Variants in NOTCH1 observed in about 807,000 individuals in gnomAD.
The protein encoded by NOTCH1 is neurogenic locus notch homolog protein 1.
Under a neutral mutation model 254.8 loss-of-function variants are expected in NOTCH1, and 37 were observed. The observed-to-expected ratio is 0.15, with a 90% CI of 0.11 to 0.19. The LOEUF (loss-of-function observed/expected upper bound fraction) is 0.19. Among genes scored for constraint, NOTCH1 ranks in the 10% least tolerant of loss-of-function variants. The probability of loss-of-function intolerance (pLI) is 1.00; values close to 1 mark genes in which losing one functional copy is unlikely to be tolerated. For missense variants in NOTCH1, 2,972 were observed against 3,708.6 expected, an observed-to-expected ratio of 0.80 and a Z score of 5.16; for synonymous variants, 1,731 against 1,618.1, an observed-to-expected ratio of 1.07 and a Z score of -1.68.
chr9:136,540,914 G>C lies in NOTCH1; in HGVS notation c.140+3110C>G, dbSNP rs1843724103. Among the ~76,000 whole-genome samples, 1 of 152,158 alleles carries C rather than the reference G, an allele frequency of 6.6e-6. No individual in the cohort carries two copies. ...CAGGCAGCCCTGGGAGAGCGTTTCA[G>C]ACCAAGGACGTAGTCTCACCCAGAC... On this transcript the variant is annotated intron_variant, in intron 2 of 33. Coordinates refer to ENST00000651671, the MANE Select transcript of NOTCH1 (RefSeq NM_017617.5). This position sits in a 1 kb window ranked among gnomAD's most constrained non-coding sequence, Gnocchi z 4.4.
At chr9:136,543,077 A>C (rs2133404862) in intron 2 of NOTCH1, 1 of 153,902 alleles carries the variant, frequency 6.5e-6, no homozygotes, top group Non-Finnish European at 1.5e-5. Flanking sequence ...ACCAGACTCA[A>C]TAATTACCCC....
chr9:136,500,866 G>C lies in NOTCH1; in HGVS notation c.5639-19C>G. ...AAGCCATCTGCAGAGGCAGAGACGG[G>C]TGCTCAGTCTGGAGGGCCGGTCCCC... On this transcript the variant is annotated intron_variant, in intron 30 of 33. Transcript: ENST00000651671. The C allele has an allele frequency of 6.4e-7, 1 of 1,573,906 alleles. No individual in the cohort carries two copies. Among genetic ancestry groups the C allele is most frequent in the Non-Finnish European group, 8.6e-7 (1 of 1,167,638 alleles).
rs368269774 is a variant in NOTCH1 at position 136,498,774 on chromosome 9, G to A, written c.6180+125C>T. ...CATCATGCGGGTGGGGCCCACATGC[G>A]GGCCCAGCGACCCTCGAGACCCTGT... is the stretch of plus-strand genomic sequence containing the variant. On this transcript the variant is annotated intron_variant, in intron 33 of 33. Coordinates refer to ENST00000651671, the MANE Select transcript of NOTCH1 (RefSeq NM_017617.5). 63 of 1,110,810 alleles carry A rather than the reference G, an allele frequency of 5.7e-5. No homozygotes were observed. The East Asian group carries it at 9.0e-4, about 16-fold the overall frequency. 68.8% of individuals were successfully genotyped at this position (1,110,810 alleles called of 1,614,324 possible). A position where few individuals can be genotyped will look rare whatever the true frequency, so the allele number is the denominator to read the frequency against.
At position 136,498,756 on chromosome 9, in the gene NOTCH1, C is replaced by T. The variant is rs552456636; in HGVS notation, c.6180+143G>A. 162 of 907,026 alleles carry T rather than the reference C, an allele frequency of 1.8e-4. 2 individuals are homozygous for T. Among genetic ancestry groups the T allele is most frequent in the African/African-American group, 1.7e-3 (104 of 61,642 alleles). 56.2% of individuals were successfully genotyped at this position (907,026 alleles called of 1,614,324 possible). A position where few individuals can be genotyped will look rare whatever the true frequency, so the allele number is the denominator to read the frequency against. ...GCACTAACGAGGTGCCCGCATCATGCGGGTGGGGCCCACATGCGGGCCCAG... is the reference window on the plus strand; with the variant it reads ...GCACTAACGAGGTGCCCGCATCATGTGGGTGGGGCCCACATGCGGGCCCAG... On this transcript the variant is annotated intron_variant, in intron 33 of 33. Coordinates refer to ENST00000651671, the MANE Select transcript of NOTCH1 (RefSeq NM_017617.5).
At position 136,504,941 on chromosome 9, in the gene NOTCH1, G is replaced by T. The variant is rs2133337045; in HGVS notation, c.4750C>A (p.Gln1584Lys). The T allele has an allele frequency of 6.3e-7, 1 of 1,587,258 alleles. No individual in the cohort carries two copies. Among genetic ancestry groups the T allele is most frequent in the Non-Finnish European group, 8.6e-7 (1 of 1,168,584 alleles). ...LVVVVLMPPE[Q>K]LRNSSFHFLR... ...AAGTGGAAGGAGCTGTTGCGCAGCT[G>T]CTCCGGCGGCATCAGCACCACCACC... is the stretch of plus-strand genomic sequence containing the variant. The change falls in exon 26 of 34, where the codon CAG becomes AAG. Residue 1584 changes from glutamine to lysine, a missense_variant. By Grantham distance (53) the Gln-to-Lys change is moderately conservative. Coordinates refer to ENST00000651671, the MANE Select transcript of NOTCH1 (RefSeq NM_017617.5).
In NOTCH1 at chr9:136,508,456, T is replaced by C. The variant is rs3812603; in HGVS notation, c.3172-71A>G. 927,984 of 1,604,084 alleles carry C rather than the reference T, an allele frequency of 0.58. 276,161 individuals carry two copies. Among genetic ancestry groups the C allele is most frequent in the African/African-American group, 0.89 (66,269 of 74,848 alleles). ...TCCCCGGTAGCTCAGAACGCACATC[T>C]GCCAAGGGGCCTACTCCAACCCAGG... On this transcript the variant is annotated intron_variant, in intron 19 of 33. Coordinates refer to ENST00000651671, the MANE Select transcript of NOTCH1 (RefSeq NM_017617.5).
At chr9:136,501,936 G>A (rs769613180) in intron 29 of NOTCH1, 23 bp from the exon 30 acceptor site, 14 of 1,611,272 alleles carry the variant, frequency 8.7e-6, no homozygotes, top group African/African-American at 1.3e-5. Flanking sequence ...AGTGAGCAGA[G>A]CCTGTCAGGG....
intron 27 of NOTCH1, 44 bp downstream of exon 27, chr9:136,503,138 C>T (rs776895850): frequency 3.7e-6 from 6 of 1,600,122 alleles, no homozygotes; most frequent in East Asian, 2.2e-5. Flanking sequence ...GGGGATGGCA[C>T]CCCCTGCAGG....
Position 136,545,710 on chromosome 9 carries a change from G to A in NOTCH1, c.61+16C>T, listed in dbSNP as rs1843805869. On this transcript the variant is annotated intron_variant, in intron 1 of 33. Transcript: ENST00000651671. The surrounding 1 kb of genome is among the most constrained non-coding windows in gnomAD (Gnocchi z 6.8). ...GGGCGCGGAAAGTGGGGGCTCGCGGGTGGGTGGGCGCCTACCTCGTGCGGC... is the reference window on the plus strand; with the variant it reads ...GGGCGCGGAAAGTGGGGGCTCGCGGATGGGTGGGCGCCTACCTCGTGCGGC... 1.4e-6 allele frequency: 2 copies of A among 1,440,502 alleles called. No individual in the cohort carries two copies. Among genetic ancestry groups the A allele is most frequent in the African/African-American group, 1.5e-5 (1 of 66,764 alleles). The allele number at this position is 1,440,502 out of a possible 1,614,324, so 89.2% of individuals were successfully genotyped here.
intron 28 of NOTCH1, 58 bp from the exon 29 acceptor site, chr9:136,502,146 G>T (rs2133330402): frequency 6.2e-7 from 1 of 1,605,690 alleles, no homozygotes; most frequent in South Asian, 1.1e-5. Flanking sequence ...AGCCCCCAGA[G>T]ACCCCTGGCC....
chr9:136,508,767 C>T (rs1320249263), intron 19 of NOTCH1, 103 bp downstream of exon 19: 2 of 1,223,258 alleles, frequency 1.6e-6, no homozygotes. Flanking sequence ...GGGGGTGACC[C>T]CGAGCCGACA....
chr9:136,496,723 G>A lies in NOTCH1; in HGVS notation c.7016C>T (p.Ala2339Val), dbSNP rs773134608. 2 of 1,612,810 alleles carry A rather than the reference G, an allele frequency of 1.2e-6. No individual in the cohort carries two copies. The highest frequency in any genetic ancestry group is 4.5e-5 in the East Asian group (2 of 44,890). ...TACCATGCCATGCTGCAGGGAGGGG[G>A]CCTGTGTGCTCAGGGGGCCTGGTGC... ...SVAPGPLSTQAPSLQHGMVGP... is the reference protein window; with the variant it reads ...SVAPGPLSTQVPSLQHGMVGP... Residue 2339 changes from alanine (A) to valine (V), a missense_variant, in exon 34 of 34, where the codon GCC (alanine) becomes GTC (valine). Transcript: ENST00000651671.
At chr9:136,537,068 T>C (rs1318390461) in intron 2 of NOTCH1, among the ~76,000 whole-genome samples, 1 of 152,186 alleles carries the variant, frequency 6.6e-6, no homozygotes, top group African/African-American at 2.4e-5. Flanking sequence ...CGCCAGTCCA[T>C]CCTACAGGTT....
intron 31 of NOTCH1, 87 bp downstream of exon 31, chr9:136,500,465 C>T: frequency 6.5e-7 from 1 of 1,536,952 alleles, no homozygotes; most frequent in African/African-American, 1.4e-5. Context: ...GGGTCAGGCT[C>T]CCAGGGCCAC....
At position 136,508,395 on chromosome 9, in the gene NOTCH1, G is replaced by A. The variant is rs2133347794; in HGVS notation, c.3172-10C>T. On this transcript the variant is annotated splice_polypyrimidine_tract_variant and intron_variant, in intron 19 of 33. Transcript: ENST00000651671. The stretch of plus-strand genomic sequence containing the variant: ...ACCAGTGCACAAGGTTCTGGGGACA[G>A]ATTGGGGTCAGCTGGGTGCCCGCGC... 2 of 1,613,144 alleles carry A rather than the reference G, an allele frequency of 1.2e-6. No individual in the cohort carries two copies. Among genetic ancestry groups the A allele is most frequent in the South Asian group, 1.1e-5 (1 of 91,088 alleles).
At chr9:136,525,906 A>G (rs1427878722) in intron 2 of NOTCH1, among the ~76,000 whole-genome samples, 1 of 152,218 alleles carries the variant, frequency 6.6e-6, no homozygotes, top group Non-Finnish European at 1.5e-5. Flanking sequence ...CAAAAGGGCC[A>G]CTCTGGCCGA....
rs753711100 is a variant in NOTCH1 at position 136,506,933 on chromosome 9, G to A, written c.3684C>T (p.Pro1228=). Residue 1228 remains proline (P), a synonymous_variant, in exon 23 of 34, where the codon CCC becomes CCT. Transcript: ENST00000651671. This position sits in a 1 kb window ranked among gnomAD's most constrained non-coding sequence, Gnocchi z 4.5. ...TGGGGCTCCGGGACACGGGGTCAACGGGGGGATTGCAGTCGTCCACGTTGA... is the reference window on the plus strand; with the variant it reads ...TGGGGCTCCGGGACACGGGGTCAACAGGGGGATTGCAGTCGTCCACGTTGA... ...CEINVDDCNP[P]VDPVSRSPKC... 2.7e-5 allele frequency: 43 copies of A among 1,611,074 alleles called. No individual in the cohort carries two copies. The highest frequency in any genetic ancestry group is 8.9e-5 in the East Asian group (4 of 44,788).
intron 13 of NOTCH1, 53 bp downstream of exon 13, chr9:136,514,457 G>A (rs1234560964): frequency 6.6e-7 from 1 of 1,511,300 alleles, no homozygotes; most frequent in Non-Finnish European, 8.9e-7. Context: ...CCTGGCAGCA[G>A]AGCTCCCAGG....
chr9:136,518,246 G>T lies in NOTCH1; in HGVS notation c.1146C>A (p.Asn382Lys), dbSNP rs368665838. The T allele has an allele frequency of 6.2e-7, 1 of 1,611,112 alleles. No individual in the cohort carries two copies. ...GGTTGGTGTCGCAGTTGGAGCCCTC[G>T]TTACAGGGGTTGCTGATGCATGCGT... is the stretch of plus-strand genomic sequence containing the variant. ...LNDACISNPCNEGSNCDTNPV... is the reference protein window; with the variant it reads ...LNDACISNPCKEGSNCDTNPV... Residue 382 changes from asparagine to lysine, a missense_variant, in exon 7 of 34, where the codon AAC becomes AAA. Around this residue, in one of 8 missense-constraint regions of NOTCH1, gnomAD observed 90 missense variants for 183.6 expected, o/e 0.49. Coordinates refer to ENST00000651671, the MANE Select transcript of NOTCH1 (RefSeq NM_017617.5).
Sources: allele counts gnomAD v4.1 joint callset (sites outside exome capture counted in the v4.1 genomes callset), GRCh38; gene constraint gnomAD v4.1.1; regional missense constraint gnomAD v4.1.1; non-coding constraint Gnocchi (gnomAD v3.1); transcripts MANE v1.5; gene names NCBI Gene and HGNC (gene_info 2026-07-23, HGNC 2026-07-21).